Variants in NRF1 observed in about 807,000 individuals in gnomAD.
NRF1 encodes the protein alpha palindromic-binding protein.
A neutral mutation model predicts 58.5 loss-of-function variants in NRF1; 5 were observed. The observed-to-expected ratio is 0.09, with a 90% CI of 0.04 to 0.18. NRF1 has a LOEUF of 0.18. Ranked by LOEUF, NRF1 falls within the 10% of genes least tolerant of loss-of-function variation. NRF1 has a pLI of 1.00. For synonymous variants in NRF1, 224 were observed against 246.7 expected (o/e 0.91, Z 0.86); for missense variants, 288 against 657.7 (o/e 0.44, Z 6.15).
At chr7:129,746,545 T>C (rs1194819171) in intron 10 of NRF1, among the ~76,000 whole-genome samples, 1 of 152,196 alleles carries the variant, frequency 6.6e-6, no homozygotes, top group Non-Finnish European at 1.5e-5. Flanking sequence ...TTTCCAGGCC[T>C]GTAAATGGAA....
chr7:129,617,581 A>G (rs970630712), intron 1 of NRF1, among the ~76,000 whole-genome samples: 2 of 152,252 alleles, frequency 1.3e-5, no homozygotes, highest in Admixed American at 6.5e-5. Flanking sequence ...CATTCTGGGC[A>G]TGTACTAGGT....
At chr7:129,690,364 T>A (rs768338866) in intron 4 of NRF1, 42 bp from the exon 5 acceptor site, 40 of 1,593,014 alleles carry the variant, frequency 2.5e-5, no homozygotes, top group Middle Eastern at 3.4e-4. Context: ...TCCTCCCTGG[T>A]TGTTGGGCAT....
chr7:129,630,827 T>C (rs1197232160), intron 1 of NRF1, among the ~76,000 whole-genome samples: 1 of 152,208 alleles, frequency 6.6e-6, no homozygotes, highest in Non-Finnish European at 1.5e-5. Context: ...TTATTTATTC[T>C]TTTAAAGAAA....
intron 5 of NRF1, among the ~76,000 whole-genome samples, chr7:129,700,872 T>C (rs993357045): frequency 3.4e-4 from 51 of 152,110 alleles, no homozygotes; most frequent in African/African-American, 9.9e-4. Context: ...GCCATGATCA[T>C]GCCACTGTAC....
At chr7:129,654,114 T>C (rs1801599148) in intron 1 of NRF1, among the ~76,000 whole-genome samples, 1 of 152,232 alleles carries the variant, frequency 6.6e-6, no homozygotes, top group South Asian at 2.1e-4. Flanking sequence ...TTCCTGTTGC[T>C]CCACATCCTC....
At chr7:129,707,102 T>C (rs1802967273) in intron 5 of NRF1, among the ~76,000 whole-genome samples, 1 of 152,142 alleles carries the variant, frequency 6.6e-6, no homozygotes, top group Non-Finnish European at 1.5e-5. Flanking sequence ...CAAGCGATCC[T>C]CCTGCCTCAG....
chr7:129,682,309 A>G (rs1305572157), intron 4 of NRF1, among the ~76,000 whole-genome samples: 1 of 151,944 alleles, frequency 6.6e-6, no homozygotes, highest in Non-Finnish European at 1.5e-5. Context: ...AAATTTAAAA[A>G]TTAGCCAGAT....
chr7:129,725,010 A>C (rs1803417445), intron 9 of NRF1, among the ~76,000 whole-genome samples: 1 of 152,222 alleles, frequency 6.6e-6, no homozygotes, highest in African/African-American at 2.4e-5. Flanking sequence ...CGGGAATTCA[A>C]GACCAGCCTG....
At chr7:129,711,902 G>GA (rs964604292) in intron 8 of NRF1, among the ~76,000 whole-genome samples, 18 of 150,634 alleles carry the variant, frequency 1.2e-4, no homozygotes, top group South Asian at 2.1e-4. Context: ...TGGTCTTTAT[G>GA]AAAAAAAAAT....
intron 3 of NRF1, among the ~76,000 whole-genome samples, chr7:129,676,918 A>G (rs572924007): frequency 1.3e-5 from 2 of 152,358 alleles, no homozygotes; most frequent in East Asian, 1.9e-4. Flanking sequence ...TAAACAATCA[A>G]TAAAAGATAG....
At chr7:129,664,167 GGGGAGAGGGAGA>G (rs1198187319) in intron 2 of NRF1, among the ~76,000 whole-genome samples, 1 of 151,976 alleles carries the variant, frequency 6.6e-6, no homozygotes, top group Non-Finnish European at 1.5e-5. Context: ...GGAGAGGGTA[GGGGAGAGGGAGA>G]GGGAGAGGGA....
intron 10 of NRF1, among the ~76,000 whole-genome samples, chr7:129,731,050 T>G (rs969252010): frequency 6.6e-6 from 1 of 151,590 alleles, no homozygotes; most frequent in Non-Finnish European, 1.5e-5. Context: ...GGTGGGTGGA[T>G]GACCTGAGGT....
chr7:129,685,249 T>C (rs1439869893), intron 4 of NRF1, among the ~76,000 whole-genome samples: 5 of 152,198 alleles, frequency 3.3e-5, no homozygotes, highest in Admixed American at 6.5e-5. Context: ...AGTGACCTTA[T>C]AGCAAACATT....
chr7:129,682,608 A>T (rs1802343553), intron 4 of NRF1, among the ~76,000 whole-genome samples: 1 of 146,938 alleles, frequency 6.8e-6, no homozygotes, highest in South Asian at 2.2e-4. Context: ...ACATAGTGAG[A>T]CCCTGTCTCT....
chr7:129,700,027 G>C (rs904791926), intron 5 of NRF1, among the ~76,000 whole-genome samples: 7 of 151,270 alleles, frequency 4.6e-5, no homozygotes, highest in Non-Finnish European at 8.8e-5. Context: ...TGTAATCCCA[G>C]CTACTCGGGA....
rs531188144 is a variant in NRF1 at position 129,697,602 on chromosome 7, G to T, written c.606+7056G>T. Among the ~76,000 whole-genome samples, 8 of 152,210 alleles carry T rather than the reference G, an allele frequency of 5.3e-5. No homozygotes were observed. The South Asian group carries it at 1.4e-3, about 28-fold the overall frequency. On this transcript the variant is annotated intron_variant, in intron 5 of 10. Transcript: ENST00000393232. Reference sequence around the variant, plus strand: ...AAAATGAAATTTATGAAGCAAGCTAGTGACAGATAGAACTTAGGGCTGCAT... The same window carrying T: ...AAAATGAAATTTATGAAGCAAGCTATTGACAGATAGAACTTAGGGCTGCAT...
chr7:129,642,873 A>G (rs1421943845), intron 1 of NRF1, among the ~76,000 whole-genome samples: 2 of 149,384 alleles, frequency 1.3e-5, no homozygotes, highest in African/African-American at 4.9e-5. Flanking sequence ...CCATCCTCCC[A>G]CCTTAGCCTC....
chr7:129,709,306 C>A (rs1214168442), intron 6 of NRF1, 73 bp downstream of exon 6: 2 of 1,296,932 alleles, frequency 1.5e-6, no homozygotes, highest in African/African-American at 3.0e-5. Flanking sequence ...TTTGTCATTT[C>A]TACATCTTGT....
Position 129,638,999 on chromosome 7 carries a change from A to G in NRF1, c.-6-18347A>G, listed in dbSNP as rs1166248959. Among the ~76,000 whole-genome samples the G allele has an allele frequency of 2.0e-5, 3 of 152,244 alleles. No individual in the cohort carries two copies. The East Asian group carries it at 5.8e-4, about 29-fold the overall frequency. On this transcript the variant is annotated intron_variant, in intron 1 of 10. Coordinates refer to ENST00000393232, the MANE Select transcript of NRF1 (RefSeq NM_005011.5). The stretch of plus-strand genomic sequence containing the variant: ...GTGCCTCTAATTTTGATTATATGGC[A>G]TCTTTAATTTTCTAAGTAATTCAAG...
Sources: gnomAD v4.1 joint callset for allele counts (sites outside exome capture counted in the v4.1 genomes callset) on GRCh38, gnomAD v4.1.1 for gene constraint, MANE v1.5 for transcripts, NCBI Gene and HGNC (gene_info 2026-07-23, HGNC 2026-07-21) for gene names.